The following CREBBP variants were observed in gnomAD, a reference collection of about 807,000 sequenced individuals.
The protein encoded by CREBBP is CREB-binding protein.
In CREBBP, 19 loss-of-function variants were observed where a neutral mutation model predicts 265.0. The observed-to-expected ratio is 0.07, with a 90% CI of 0.05 to 0.11. CREBBP has a LOEUF of 0.11. Ranked by LOEUF, CREBBP falls within the 10% of genes least tolerant of loss-of-function variation. The pLI is 1.00. For synonymous variants in CREBBP, 1,457 were observed against 1,223.7 expected (o/e 1.19, Z -3.98); for missense variants, 2,525 against 3,219.0 (o/e 0.78, Z 5.22).
chr16:3,753,612 A>C (rs1247766859), intron 19 of CREBBP, among the ~76,000 whole-genome samples: 1 of 152,154 alleles, frequency 6.6e-6, no homozygotes, highest in Non-Finnish European at 1.5e-5. Flanking sequence ...CTATTTTGTA[A>C]ATATCCTAAA....
At chr16:3,833,063 T>C (rs1463467439) in intron 2 of CREBBP, among the ~76,000 whole-genome samples, 1 of 152,198 alleles carries the variant, frequency 6.6e-6, no homozygotes, top group African/African-American at 2.4e-5. Context: ...GGCTGAATGC[T>C]TTTTTCCCAC....
chr16:3,835,815 T>G (rs567747061), intron 2 of CREBBP, among the ~76,000 whole-genome samples: 1 of 151,536 alleles, frequency 6.6e-6, no homozygotes, highest in Admixed American at 6.6e-5. Flanking sequence ...CTCCTGACCT[T>G]GTGATCCACC....
intron 2 of CREBBP, 52 bp downstream of exon 2, chr16:3,850,245 G>T: frequency 6.3e-7 from 1 of 1,597,726 alleles, no homozygotes; most frequent in Non-Finnish European, 8.6e-7. Context: ...ATTACTCGGA[G>T]GGAAAGCCCG....
At chr16:3,809,789 T>C in intron 3 of CREBBP, among the ~76,000 whole-genome samples, 1 of 152,110 alleles carries the variant, frequency 6.6e-6, no homozygotes, top group African/African-American at 2.4e-5. Context: ...AAAAAGCAAC[T>C]TTTTCTGAAC....
At chr16:3,736,861 C>G (rs770439583) in intron 26 of CREBBP, 46 bp from the exon 27 acceptor site, 1 of 1,611,450 alleles carries the variant, frequency 6.2e-7, no homozygotes, top group Non-Finnish European at 8.5e-7. Context: ...CCAGTGAAAT[C>G]GGCCCTGCCT....
intron 2 of CREBBP, among the ~76,000 whole-genome samples, chr16:3,822,923 A>G (rs1057245935): frequency 6.6e-6 from 1 of 152,236 alleles, no homozygotes; most frequent in African/African-American, 2.4e-5. Flanking sequence ...GAGAGAATAC[A>G]CAGGAAGCGC....
At chr16:3,873,097 A>T (rs2055333699) in intron 1 of CREBBP, among the ~76,000 whole-genome samples, 1 of 152,252 alleles carries the variant, frequency 6.6e-6, no homozygotes, top group Non-Finnish European at 1.5e-5. Context: ...AAGTACTCAC[A>T]GGCATCTATC....
chr16:3,811,833 T>G (rs1349842778), intron 2 of CREBBP, among the ~76,000 whole-genome samples: 1 of 152,152 alleles, frequency 6.6e-6, no homozygotes. Flanking sequence ...TTCTCTAGCT[T>G]ACTTCACTGT....
In CREBBP at chr16:3,739,618, C is replaced by T. The variant is rs130015; in HGVS notation, c.4240G>A (p.Val1414Ile). Residue 1414 changes from valine to isoleucine, a missense_variant, in exon 25 of 31, where the codon GTC becomes ATC. Val to Ile is a conservative substitution (Grantham distance 29, BLOSUM62 3). This residue lies in a region of CREBBP where 252 missense variants were observed against 452.5 expected (regional missense o/e 0.56). Coordinates refer to ENST00000262367, the MANE Select transcript of CREBBP (RefSeq NM_004380.3). The part of the protein sequence containing the change: ...GVDVCFFGMH[V>I]QEYGSDCPPP... ...GGGCAATCAGAGCCGTATTCTTGGACGTGCATTCCAAAAAAGCAGACATCC... is the reference window on the plus strand; with the variant it reads ...GGGCAATCAGAGCCGTATTCTTGGATGTGCATTCCAAAAAAGCAGACATCC... The T allele has an allele frequency of 3.3e-5, 53 of 1,614,048 alleles. No individual in the cohort carries two copies. Among genetic ancestry groups the T allele is most frequent in the East Asian group, 2.9e-4 (13 of 44,906 alleles).
intron 1 of CREBBP, among the ~76,000 whole-genome samples, chr16:3,857,260 T>G (rs1162096545): frequency 6.6e-6 from 1 of 152,220 alleles, no homozygotes; most frequent in Non-Finnish European, 1.5e-5. Context: ...GACCACTTTT[T>G]CATCCTATTT....
chr16:3,751,169 C>T (rs1457019998), intron 20 of CREBBP, among the ~76,000 whole-genome samples: 1 of 152,194 alleles, frequency 6.6e-6, no homozygotes, highest in African/African-American at 2.4e-5. Flanking sequence ...CCAGTGGTCT[C>T]CAGTGGTAGG....
At chr16:3,800,170 G>A (rs1210276559) in intron 3 of CREBBP, among the ~76,000 whole-genome samples, 1 of 152,200 alleles carries the variant, frequency 6.6e-6, no homozygotes, top group African/African-American at 2.4e-5. Context: ...CCAGGCTGAA[G>A]TGAAGTAGTG....
chr16:3,797,870 CCTT>C (rs1414560730), intron 3 of CREBBP, among the ~76,000 whole-genome samples: 5 of 151,894 alleles, frequency 3.3e-5, no homozygotes, highest in African/African-American at 1.2e-4. Context: ...GATGAGAAAG[CCTT>C]CTTAACATAA....
rs1401593486 is a variant in CREBBP at position 3,728,562 on chromosome 16, C to T, written c.6485G>A (p.Gly2162Glu). 5 of 1,614,028 alleles carry T rather than the reference C, an allele frequency of 3.1e-6. No individual in the cohort carries two copies. Among genetic ancestry groups the T allele is most frequent in the Non-Finnish European group, 4.2e-6 (5 of 1,179,992 alleles). ...PGVPPQQQAM[G>E]GLNPQGQALN... ...GGCCTGGCCCTGGGGGTTCAGGCCTCCCATCGCCTGCTGCTGTGGAGGCAC... is the reference window on the plus strand; with the variant it reads ...GGCCTGGCCCTGGGGGTTCAGGCCTTCCATCGCCTGCTGCTGTGGAGGCAC... Residue 2162 changes from glycine (G) to glutamate (E), a missense_variant, in exon 31 of 31, where the codon GGA (glycine) becomes GAA (glutamate). Gly to Glu is a moderately conservative substitution (Grantham distance 98). Transcript: ENST00000262367. This position sits in a 1 kb window ranked among gnomAD's most constrained non-coding sequence, Gnocchi z 8.7.
At chr16:3,838,500 C>T (rs945309465) in intron 2 of CREBBP, among the ~76,000 whole-genome samples, 1 of 152,170 alleles carries the variant, frequency 6.6e-6, no homozygotes. Context: ...GCTAAACATT[C>T]ATTCCGTTTG....
At chr16:3,766,745 T>C (rs746479704) in intron 16 of CREBBP, among the ~76,000 whole-genome samples, 5 of 152,164 alleles carry the variant, frequency 3.3e-5, no homozygotes, top group Non-Finnish European at 7.4e-5. Flanking sequence ...CAGGCTGGTT[T>C]TGAACTCCCA....
intron 1 of CREBBP, among the ~76,000 whole-genome samples, chr16:3,859,314 T>C (rs2055025672): frequency 6.6e-6 from 1 of 152,122 alleles, no homozygotes; most frequent in African/African-American, 2.4e-5. Context: ...TGCCTCAGCC[T>C]CCCAAGTAGC....
intron 2 of CREBBP, among the ~76,000 whole-genome samples, chr16:3,828,624 C>T (rs975797177): frequency 1.3e-5 from 2 of 152,170 alleles, no homozygotes; most frequent in African/African-American, 2.4e-5. Flanking sequence ...ACCTGACCCA[C>T]ACACAGAAAA....
At chr16:3,872,946 G>A (rs1484007024) in intron 1 of CREBBP, among the ~76,000 whole-genome samples, 2 of 152,242 alleles carry the variant, frequency 1.3e-5, no homozygotes, top group Admixed American at 6.5e-5. Context: ...TGCACACGGG[G>A]ACACTCAGGA....
Sources: allele counts gnomAD v4.1 joint callset (sites outside exome capture counted in the v4.1 genomes callset), GRCh38; gene constraint gnomAD v4.1.1; regional missense constraint gnomAD v4.1.1; non-coding constraint Gnocchi (gnomAD v3.1); transcripts MANE v1.5; gene names NCBI Gene and HGNC (gene_info 2026-07-23, HGNC 2026-07-21).